Variants in UNC13C observed in about 807,000 individuals in gnomAD.
The protein encoded by UNC13C is unc-13 homolog C.
In UNC13C, 174 loss-of-function variants were observed where a neutral mutation model predicts 245.4. That is an observed-to-expected ratio of 0.71 (90% CI 0.63 to 0.80). The LOEUF is 0.80. Ranked by LOEUF, UNC13C falls within the 30% of genes least tolerant of loss-of-function variation. The probability of loss-of-function intolerance (pLI) is 0.00; values close to 1 mark genes in which losing one functional copy is unlikely to be tolerated. For missense variants in UNC13C, 2,829 were observed against 2,602.9 expected (o/e 1.09, Z -1.89); for synonymous variants, 992 against 895.1 (o/e 1.11, Z -1.93).
intron 32 of UNC13C, among the ~76,000 whole-genome samples, chr15:54,626,508 A>G (rs1901159736): frequency 6.6e-6 from 1 of 152,114 alleles, no homozygotes; most frequent in Non-Finnish European, 1.5e-5. Context: ...TTCTACCAAG[A>G]GGTACCCATT....
At chr15:53,926,110 T>C in the UNC13C span, among the ~76,000 whole-genome samples, 1 of 151,520 alleles carries the variant, frequency 6.6e-6, no homozygotes, top group Non-Finnish European at 1.5e-5. Context: ...GATTTAGTTT[T>C]TTAGTTTTTG....
intron 19 of UNC13C, among the ~76,000 whole-genome samples, chr15:54,448,371 G>A (rs547791501): frequency 6.6e-6 from 1 of 152,108 alleles, no homozygotes; most frequent in Admixed American, 6.6e-5. Context: ...GTTGACTGTG[G>A]GGTGTTAAAG....
chr15:54,404,598 G>A (rs1351084078), intron 18 of UNC13C, among the ~76,000 whole-genome samples: 2 of 152,034 alleles, frequency 1.3e-5, no homozygotes, highest in Non-Finnish European at 2.9e-5. Context: ...TTTAATTTGT[G>A]CACAAGAAAA....
chr15:54,531,191 G>T (rs1430477266), intron 25 of UNC13C, among the ~76,000 whole-genome samples: 1 of 152,138 alleles, frequency 6.6e-6, no homozygotes, highest in Non-Finnish European at 1.5e-5. Flanking sequence ...GTTTGGGTTA[G>T]AAGTCAGGTC....
At chr15:53,936,856 C>G in the UNC13C span, among the ~76,000 whole-genome samples, 32 of 152,084 alleles carry the variant, frequency 2.1e-4, no homozygotes, top group African/African-American at 7.7e-4. Flanking sequence ...AACAAAAAGT[C>G]CCCCCAAAAA....
chr15:53,924,214 C>A, the UNC13C span, among the ~76,000 whole-genome samples: 12 of 150,336 alleles, frequency 8.0e-5, no homozygotes, highest in African/African-American at 2.7e-4. Flanking sequence ...CTCAAAAAAA[C>A]AAAACAAACA....
Position 54,012,668 on chromosome 15 carries a change from G to C in UNC13C, c.-236G>C, listed in dbSNP as rs1357392055. 6.6e-6 allele frequency among the ~76,000 whole-genome samples: 1 copy of C among 152,138 alleles called. No homozygotes were observed. The highest frequency in any genetic ancestry group is 1.5e-5 in the Non-Finnish European group (1 of 68,034). Reference sequence around the variant, plus strand: ...TTTAGACACTACATGGAGTTATGTGGAAATGAGAGAGATTCATGAAACCCC... The same window carrying C: ...TTTAGACACTACATGGAGTTATGTGCAAATGAGAGAGATTCATGAAACCCC... On this transcript the variant is annotated 5_prime_UTR_variant, in exon 2 of 33. Coordinates refer to ENST00000260323, the MANE Select transcript of UNC13C (RefSeq NM_001080534.3).
chr15:54,223,756 C>G (rs993913778), intron 4 of UNC13C, among the ~76,000 whole-genome samples: 1 of 151,752 alleles, frequency 6.6e-6, no homozygotes, highest in Non-Finnish European at 1.5e-5. Context: ...ATATTAGTTC[C>G]TCCAGTCTAT....
chr15:54,167,801 T>G (rs1336847960), intron 4 of UNC13C, among the ~76,000 whole-genome samples: 4 of 151,780 alleles, frequency 2.6e-5, no homozygotes, highest in Non-Finnish European at 5.9e-5. Context: ...AACAATCCAA[T>G]AAATTATGGA....
intron 13 of UNC13C, chr15:54,320,663 A>G: frequency 6.2e-6 from 2 of 323,484 alleles, no homozygotes; most frequent in South Asian, 2.8e-5. Context: ...GTTGTAACCC[A>G]TAGCTTCCTT....
chr15:53,929,026 A>G, the UNC13C span, among the ~76,000 whole-genome samples: 2 of 152,192 alleles, frequency 1.3e-5, no homozygotes, highest in African/African-American at 2.4e-5. Flanking sequence ...TCATGCTGGT[A>G]ATAAAGACAT....
At chr15:53,881,239 C>G in the UNC13C span, among the ~76,000 whole-genome samples, 3 of 152,110 alleles carry the variant, frequency 2.0e-5, no homozygotes, top group African/African-American at 7.2e-5. Flanking sequence ...TTCAGAGCCT[C>G]AGGGTAGCCA....
the UNC13C span, among the ~76,000 whole-genome samples, chr15:53,970,081 A>C: frequency 6.9e-6 from 1 of 145,208 alleles, no homozygotes; most frequent in Non-Finnish European, 1.5e-5. Context: ...ACAGAGTTTC[A>C]CTCTTGTTGC....
chr15:54,388,460 C>T (rs1280646407), intron 17 of UNC13C, among the ~76,000 whole-genome samples: 1 of 152,182 alleles, frequency 6.6e-6, no homozygotes, highest in Non-Finnish European at 1.5e-5. Flanking sequence ...TCATTCCTCA[C>T]AGGTGCAATT....
chr15:54,402,836 A>T (rs372910369), intron 18 of UNC13C, among the ~76,000 whole-genome samples: 4 of 152,346 alleles, frequency 2.6e-5, no homozygotes, highest in Admixed American at 6.5e-5. Flanking sequence ...GTGAGCATTA[A>T]TCCTTCCAAA....
intron 30 of UNC13C, among the ~76,000 whole-genome samples, chr15:54,580,491 G>T (rs922864454): frequency 1.3e-5 from 2 of 152,180 alleles, no homozygotes; most frequent in African/African-American, 4.8e-5. Context: ...AGCTATACAG[G>T]CATGGCCCAA....
intron 2 of UNC13C, among the ~76,000 whole-genome samples, chr15:54,025,172 C>G (rs1019540460): frequency 1.3e-5 from 2 of 152,204 alleles, no homozygotes; most frequent in Non-Finnish European, 2.9e-5. Context: ...CTCATCCCTC[C>G]AAGCATCTTC....
At chr15:54,332,756 C>G (rs1003428027) in intron 15 of UNC13C, among the ~76,000 whole-genome samples, 10 of 151,992 alleles carry the variant, frequency 6.6e-5, no homozygotes, top group Non-Finnish European at 1.3e-4. Flanking sequence ...ATAGTAATAA[C>G]TAATAGATGC....
intron 1 of UNC13C, among the ~76,000 whole-genome samples, chr15:53,990,558 A>C (rs990201772): frequency 4.6e-5 from 7 of 152,002 alleles, no homozygotes; most frequent in African/African-American, 1.7e-4. Context: ...TTCGGTAGTG[A>C]TAGATGCACA....
Sources: allele counts gnomAD v4.1 joint callset (sites outside exome capture counted in the v4.1 genomes callset), GRCh38; gene constraint gnomAD v4.1.1; transcripts MANE v1.5; gene names NCBI Gene and HGNC (gene_info 2026-07-23, HGNC 2026-07-21).